Variants in ELOVL6 observed in about 807,000 individuals in gnomAD.
The protein encoded by ELOVL6 is very long chain fatty acid elongase 6.
A neutral mutation model predicts 31.7 loss-of-function variants in ELOVL6; 8 were observed. The ratio of observed to expected loss-of-function variants is 0.25; its 90% CI spans 0.15 to 0.45. The LOEUF (loss-of-function observed/expected upper bound fraction) is 0.45, where lower values mean the gene tolerates loss of function less well. Among genes scored for constraint, ELOVL6 ranks in the 20% least tolerant of loss-of-function variants. ELOVL6 has a pLI of 1.00. For missense variants in ELOVL6, 126 were observed against 326.4 expected, an observed-to-expected ratio of 0.39 and a Z score of 4.73; for synonymous variants, 101 against 117.7, an observed-to-expected ratio of 0.86 and a Z score of 0.92.
Position 110,198,399 on chromosome 4 carries a change from T to G in ELOVL6, c.-64A>C. 2 of 988,332 alleles carry G rather than the reference T, an allele frequency of 2.0e-6. No homozygotes were observed. The highest frequency in any genetic ancestry group is 3.1e-6 in the Non-Finnish European group (2 of 637,042). 61.2% of individuals were successfully genotyped at this position (988,332 alleles called of 1,614,324 possible). ...AAAATAAAATAATCTGTAAAGCGCT[T>G]GATTTCGAGTGTTCTCCTGTCTGCT... On this transcript the variant is annotated 5_prime_UTR_variant, in exon 1 of 4. Coordinates refer to ENST00000302274, the MANE Select transcript of ELOVL6 (RefSeq NM_024090.3).
At chr4:110,064,792 T>C (rs1167814461) in intron 2 of ELOVL6, among the ~76,000 whole-genome samples, 1 of 152,194 alleles carries the variant, frequency 6.6e-6, no homozygotes, top group East Asian at 1.9e-4. Flanking sequence ...CTGGCCTCGA[T>C]TGATAATGTT....
chr4:110,169,238 GTTTTGTTTTTTT>G (rs1256237219), intron 1 of ELOVL6, among the ~76,000 whole-genome samples: 1 of 136,732 alleles, frequency 7.3e-6, no homozygotes, highest in East Asian at 2.1e-4. Flanking sequence ...GGGGTTTTTT[GTTTTGTTTTTTT>G]TTTTTTGAGA....
intron 1 of ELOVL6, among the ~76,000 whole-genome samples, chr4:110,162,583 A>G (rs1240153918): frequency 2.3e-5 from 1 of 42,658 alleles, no homozygotes; most frequent in Non-Finnish European, 4.0e-5. Flanking sequence ...GGCTCATGCA[A>G]TCCCACCCAC....
chr4:110,084,586 ATATTTTTTTT>A (rs1216180025), intron 2 of ELOVL6, among the ~76,000 whole-genome samples: 10 of 39,608 alleles, frequency 2.5e-4, no homozygotes, highest in South Asian at 8.9e-4. Flanking sequence ...ATATATATAT[ATATTTTTTTT>A]TTTTTTTTTT....
intron 2 of ELOVL6, among the ~76,000 whole-genome samples, chr4:110,077,865 T>C (rs894720368): frequency 6.6e-6 from 1 of 152,102 alleles, no homozygotes; most frequent in Non-Finnish European, 1.5e-5. Context: ...AAAGGCTAAC[T>C]AGAATAACTA....
At chr4:110,066,117 G>A (rs1755292029) in intron 2 of ELOVL6, among the ~76,000 whole-genome samples, 1 of 152,120 alleles carries the variant, frequency 6.6e-6, no homozygotes, top group Non-Finnish European at 1.5e-5. Context: ...TCAAAAAACA[G>A]CAACAGGTGA....
chr4:110,150,456 A>C (rs1758247446), intron 1 of ELOVL6, among the ~76,000 whole-genome samples: 1 of 152,178 alleles, frequency 6.6e-6, no homozygotes, highest in Non-Finnish European at 1.5e-5. Context: ...ATTGTATGTT[A>C]CTACAATTTT....
At chr4:110,101,623 C>T (rs1756744542) in intron 2 of ELOVL6, among the ~76,000 whole-genome samples, 1 of 152,164 alleles carries the variant, frequency 6.6e-6, no homozygotes, top group East Asian at 1.9e-4. Flanking sequence ...TGCCAGTCCA[C>T]ACCAACCAAC....
chr4:110,135,032 G>A (rs1757776792), intron 1 of ELOVL6, among the ~76,000 whole-genome samples: 1 of 152,122 alleles, frequency 6.6e-6, no homozygotes. Context: ...CTAAAAATGT[G>A]AGTACTTTCC....
At chr4:110,081,814 A>G (rs77892930) in intron 2 of ELOVL6, among the ~76,000 whole-genome samples, 75,528 of 134,036 alleles carry the variant, frequency 0.56, 24,680 homozygotes, top group African/African-American at 0.84. Context: ...GCAACCTACA[A>G]AATGGGAGAA....
intron 1 of ELOVL6, among the ~76,000 whole-genome samples, chr4:110,159,205 G>A (rs1725294204): frequency 6.6e-6 from 1 of 152,102 alleles, no homozygotes; most frequent in South Asian, 2.1e-4. Flanking sequence ...TTTCCTTTAT[G>A]CATTTAGTCA....
chr4:110,139,052 G>T (rs1313104643), intron 1 of ELOVL6, among the ~76,000 whole-genome samples: 1 of 152,066 alleles, frequency 6.6e-6, no homozygotes, highest in Non-Finnish European at 1.5e-5. Context: ...TTATCTTGCA[G>T]GGTTGAAGAT....
intron 1 of ELOVL6, among the ~76,000 whole-genome samples, chr4:110,117,358 G>A (rs974894134): frequency 3.9e-5 from 6 of 152,138 alleles, no homozygotes; most frequent in Non-Finnish European, 8.8e-5. Context: ...TGATTGGGGT[G>A]ATACCACTTA....
At chr4:110,191,101 G>A (rs62327362) in intron 1 of ELOVL6, among the ~76,000 whole-genome samples, 6,468 of 152,120 alleles carry the variant, frequency 0.043, 199 homozygotes, top group South Asian at 0.11. Flanking sequence ...TTACAGGTGT[G>A]AGCCACCATA....
chr4:110,120,925 C>A (rs1757338112), intron 1 of ELOVL6, among the ~76,000 whole-genome samples: 1 of 151,826 alleles, frequency 6.6e-6, no homozygotes, highest in African/African-American at 2.4e-5. Flanking sequence ...CTTAGCCTCC[C>A]AAGTAGCTGG....
At chr4:110,069,120 A>G (rs937772750) in intron 2 of ELOVL6, among the ~76,000 whole-genome samples, 3 of 142,012 alleles carry the variant, frequency 2.1e-5, no homozygotes, top group Non-Finnish European at 3.0e-5. Flanking sequence ...ACAGAGCAAG[A>G]CTCTGTCTCC....
intron 3 of ELOVL6, among the ~76,000 whole-genome samples, chr4:110,056,390 G>A (rs1190830889): frequency 6.6e-6 from 1 of 152,096 alleles, no homozygotes; most frequent in Non-Finnish European, 1.5e-5. Context: ...AGGCAAACAT[G>A]TTGACTACAT....
At chr4:110,174,224 C>A (rs1252510728) in intron 1 of ELOVL6, among the ~76,000 whole-genome samples, 3 of 145,966 alleles carry the variant, frequency 2.1e-5, no homozygotes, top group Admixed American at 6.9e-5. Context: ...ACTGCAGTGG[C>A]GTAATCTCGG....
intron 1 of ELOVL6, among the ~76,000 whole-genome samples, chr4:110,181,692 T>C (rs1023728604): frequency 6.6e-6 from 1 of 152,198 alleles, no homozygotes; most frequent in Admixed American, 6.5e-5. Flanking sequence ...ACTTTCTGTG[T>C]ACTGAAAGGT....
Sources: allele counts gnomAD v4.1 joint callset (sites outside exome capture counted in the v4.1 genomes callset), GRCh38; gene constraint gnomAD v4.1.1; transcripts MANE v1.5; gene names NCBI Gene and HGNC (gene_info 2026-07-23, HGNC 2026-07-21).